Variants in HEMK2 observed in about 807,000 individuals in gnomAD.
HEMK2 encodes methyltransferase HEMK2.
At chr21:28,762,806 C>A in the HEMK2 span, among the ~76,000 whole-genome samples, 1 of 152,094 alleles carries the variant, frequency 6.6e-6, no homozygotes, top group South Asian at 2.1e-4. Flanking sequence ...CTCTTCCCAG[C>A]CTTTAGAACT....
At chr21:28,838,910 G>A in the HEMK2 span, among the ~76,000 whole-genome samples, 1 of 124,188 alleles carries the variant, frequency 8.1e-6, no homozygotes, top group Non-Finnish European at 1.6e-5. Context: ...TTGCACTCTA[G>A]CCTGGGCAAC....
the HEMK2 span, among the ~76,000 whole-genome samples, chr21:28,603,371 T>C: frequency 3.5e-4 from 53 of 152,238 alleles, no homozygotes; most frequent in African/African-American, 1.2e-3. Flanking sequence ...CATTGTGAAT[T>C]CATAGGCAAT....
chr21:28,667,092 G>T, the HEMK2 span, among the ~76,000 whole-genome samples: 1 of 152,058 alleles, frequency 6.6e-6, no homozygotes, highest in African/African-American at 2.4e-5. Flanking sequence ...TTTTCCTGTA[G>T]ACTTGTTATT....
the HEMK2 span, chr21:28,878,209 A>C: frequency 6.3e-7 from 1 of 1,585,726 alleles, no homozygotes; most frequent in South Asian, 1.2e-5. Context: ...GTTTTCTTTA[A>C]TGGTAACTAA....
the HEMK2 span, among the ~76,000 whole-genome samples, chr21:28,643,048 C>T: frequency 6.6e-6 from 1 of 152,160 alleles, no homozygotes; most frequent in South Asian, 2.1e-4. Context: ...TGGGCCTTGG[C>T]AGTGGTCACA....
At chr21:28,796,846 G>A in the HEMK2 span, among the ~76,000 whole-genome samples, 7 of 152,156 alleles carry the variant, frequency 4.6e-5, no homozygotes, top group South Asian at 6.2e-4. Context: ...CTGGGATTAC[G>A]GACATGAACC....
chr21:28,767,340 C>T, the HEMK2 span, among the ~76,000 whole-genome samples: 4 of 151,730 alleles, frequency 2.6e-5, no homozygotes, highest in South Asian at 8.4e-4. Flanking sequence ...TAACCAAAAA[C>T]CACCTGCACC....
the HEMK2 span, among the ~76,000 whole-genome samples, chr21:28,831,634 G>GGAAGGAAGGAAA: frequency 1.4e-4 from 5 of 36,466 alleles, no homozygotes; most frequent in African/African-American, 8.2e-4. Context: ...AAAGAAGGAA[G>GGAAGGAAGGAAA]GAAAGAAAGA....
the HEMK2 span, among the ~76,000 whole-genome samples, chr21:28,703,021 G>T: frequency 6.6e-6 from 1 of 152,168 alleles, no homozygotes; most frequent in Non-Finnish European, 1.5e-5. Flanking sequence ...CAACATGGAT[G>T]GAGCTGGAGA....
the HEMK2 span, among the ~76,000 whole-genome samples, chr21:28,726,905 A>C: frequency 2.0e-5 from 3 of 151,728 alleles, no homozygotes; most frequent in Admixed American, 6.6e-5. Flanking sequence ...GAATATCCTA[A>C]GTAGGTTTTC....
At chr21:28,605,691 T>A in the HEMK2 span, among the ~76,000 whole-genome samples, 1 of 152,206 alleles carries the variant, frequency 6.6e-6, no homozygotes, top group African/African-American at 2.4e-5. Flanking sequence ...TGAATGTAAA[T>A]ATGTATATGT....
the HEMK2 span, among the ~76,000 whole-genome samples, chr21:28,611,384 T>G: frequency 6.6e-6 from 1 of 152,172 alleles, no homozygotes; most frequent in Admixed American, 6.6e-5. Context: ...TCAAAACCTC[T>G]TGGATACTGC....
chr21:28,838,919 A>C, the HEMK2 span, among the ~76,000 whole-genome samples: 4 of 133,724 alleles, frequency 3.0e-5, no homozygotes, highest in Non-Finnish European at 6.2e-5. Flanking sequence ...AGCCTGGGCA[A>C]CAAGAGCGAA....
chr21:28,849,349 AC>A, the HEMK2 span, among the ~76,000 whole-genome samples: 1 of 152,106 alleles, frequency 6.6e-6, no homozygotes, highest in Non-Finnish European at 1.5e-5. Flanking sequence ...AAGCAAAAAA[AC>A]AACAACAACA....
At chr21:28,823,476 T>TTTG in the HEMK2 span, among the ~76,000 whole-genome samples, 1 of 152,184 alleles carries the variant, frequency 6.6e-6, no homozygotes, top group Admixed American at 6.5e-5. Flanking sequence ...GCTGGTGCTT[T>TTTG]TTGTTGTTGT....
chr21:28,630,777 C>G, the HEMK2 span, among the ~76,000 whole-genome samples: 1 of 88,504 alleles, frequency 1.1e-5, no homozygotes, highest in Non-Finnish European at 2.1e-5. Context: ...TGGGGACTGT[C>G]GTGGGGTGGG....
At chr21:28,641,342 C>A in the HEMK2 span, among the ~76,000 whole-genome samples, 1 of 152,162 alleles carries the variant, frequency 6.6e-6, no homozygotes, top group Non-Finnish European at 1.5e-5. Flanking sequence ...AGGGTGGCTT[C>A]TTTGAGTTAA....
At chr21:28,831,175 T>A in the HEMK2 span, among the ~76,000 whole-genome samples, 1 of 152,030 alleles carries the variant, frequency 6.6e-6, no homozygotes, top group African/African-American at 2.4e-5. Context: ...CTGGGAGCTA[T>A]GGCTCATGCT....
At chr21:28,588,982 CAAA>C in the HEMK2 span, among the ~76,000 whole-genome samples, 170 of 107,310 alleles carry the variant, frequency 1.6e-3, no homozygotes, top group Middle Eastern at 5.4e-3. Flanking sequence ...GACACTGTCT[CAAA>C]AAAAAAAAAA....
Sources: allele counts gnomAD v4.1 joint callset (sites outside exome capture counted in the v4.1 genomes callset), GRCh38; gene constraint gnomAD v4.1.1; transcripts MANE v1.5; gene names NCBI Gene and HGNC (gene_info 2026-07-23, HGNC 2026-07-21).